The following ZFP1 variants were observed in gnomAD, a reference collection of about 807,000 sequenced individuals.
ZFP1 encodes the protein zinc finger protein 1 homolog.
ZFP1 carries 32 observed loss-of-function variants against 38.5 expected under a neutral mutation model. The observed-to-expected ratio is 0.83, with a 90% CI of 0.63 to 1.12. ZFP1 has a LOEUF of 1.12. ZFP1 is among the 50% of genes most tolerant of loss of function. The pLI, the probability that ZFP1 is intolerant of heterozygous loss-of-function variation, is 0.00. For synonymous variants in ZFP1, 245 were observed against 168.8 expected, an observed-to-expected ratio of 1.45 and a Z score of -3.50; for missense variants, 616 against 480.8, an observed-to-expected ratio of 1.28 and a Z score of -2.63.
At position 75,166,829 on chromosome 16, in the gene ZFP1, G is replaced by A. The variant is rs765808592; in HGVS notation, c.75G>A (p.Leu25=). Residue 25 remains leucine, a synonymous_variant, in exon 3 of 4, where the codon CTG becomes CTA. Coordinates refer to ENST00000570010, the MANE Select transcript of ZFP1 (RefSeq NM_153688.4). ...VDFTQEEWEQ[L]DPSQRILYMD... is the part of the protein sequence containing the mutation. ...TTACCCAGGAGGAATGGGAACAACT[G>A]GACCCCTCTCAGAGGATCCTATACA... The A allele has an allele frequency of 6.2e-7, 1 of 1,614,150 alleles. No individual in the cohort carries two copies. The highest frequency in any genetic ancestry group is 8.5e-7 in the Non-Finnish European group (1 of 1,180,024).
the ZFP1 span, among the ~76,000 whole-genome samples, chr16:75,132,290 G>C: frequency 6.6e-6 from 1 of 151,848 alleles, no homozygotes; most frequent in South Asian, 2.1e-4. Context: ...TTGGGAGGCT[G>C]AAGTGGGAGG....
rs569370327 is a variant in ZFP1 at position 75,163,152 on chromosome 16, C to T, written c.16-3618C>T. On this transcript the variant is annotated intron_variant, in intron 2 of 3. Transcript: ENST00000570010. ...TCGAACTCCTGACCTCGTGATCCAC[C>T]TGCCTCGGCCTCCCAAAGTGTTGGG... 2.0e-5 allele frequency among the ~76,000 whole-genome samples: 3 copies of T among 152,098 alleles called. No individual in the cohort carries two copies. The South Asian group carries it at 6.2e-4, about 32-fold the overall frequency.
At chr16:75,139,460 AC>A in the ZFP1 span, among the ~76,000 whole-genome samples, 5 of 151,222 alleles carry the variant, frequency 3.3e-5, no homozygotes, top group East Asian at 9.7e-4. Context: ...AGGAGGTTGA[AC>A]CAGGAGGATT....
In ZFP1 at chr16:75,149,066, A is replaced by T. The variant is rs964754165; in HGVS notation, c.-44+423A>T. The T allele has an allele frequency of 2.0e-5, 3 of 151,956 alleles. No homozygotes were observed. In the East Asian group the frequency reaches 5.8e-4, roughly 30 times the overall value. 9.4% of individuals were successfully genotyped at this position (151,956 alleles called of 1,614,324 possible). A position where few individuals can be genotyped will look rare whatever the true frequency, so the allele number is the denominator to read the frequency against. The stretch of plus-strand genomic sequence containing the variant: ...TGCCCGGTGCCTCGTGGGTGGAGGA[A>T]GGACTGGAGCCTGGTCAGTTGCCGG... On this transcript the variant is annotated intron_variant, in intron 1 of 3. Transcript: ENST00000570010.
At chr16:75,154,905 C>G (rs921938105) in intron 2 of ZFP1, among the ~76,000 whole-genome samples, 1 of 152,084 alleles carries the variant, frequency 6.6e-6, no homozygotes, top group Non-Finnish European at 1.5e-5. Flanking sequence ...TCAAGTGATT[C>G]TCCTGCCTCA....
intron 3 of ZFP1, among the ~76,000 whole-genome samples, chr16:75,168,687 C>T (rs891662851): frequency 1.3e-5 from 2 of 152,184 alleles, no homozygotes; most frequent in Non-Finnish European, 2.9e-5. Context: ...CTGGTTGTCA[C>T]TGCAAACCTA....
chr16:75,132,250 A>G, the ZFP1 span, among the ~76,000 whole-genome samples: 1 of 151,500 alleles, frequency 6.6e-6, no homozygotes, highest in Admixed American at 6.6e-5. Context: ...TTAGCCAGGC[A>G]TGGCGGCATA....
chr16:75,166,700 A>G (rs575701335), intron 2 of ZFP1, 70 bp from the exon 3 acceptor site: 19 of 1,553,190 alleles, frequency 1.2e-5, no homozygotes, highest in Admixed American at 7.3e-5. Flanking sequence ...TGAATGACAT[A>G]AAGTTTTCAT....
chr16:75,121,714 A>C, the ZFP1 span, among the ~76,000 whole-genome samples: 7 of 152,202 alleles, frequency 4.6e-5, no homozygotes, highest in African/African-American at 1.7e-4. Flanking sequence ...AAATGCTTAA[A>C]AGAGCTCTAA....
At chr16:75,140,269 A>G in the ZFP1 span, among the ~76,000 whole-genome samples, 2 of 42,236 alleles carry the variant, frequency 4.7e-5, no homozygotes, top group East Asian at 5.5e-4. Flanking sequence ...ACTCCATCTC[A>G]AAAAAAAAAA....
the ZFP1 span, among the ~76,000 whole-genome samples, chr16:75,132,825 A>ATT: frequency 1.5e-5 from 2 of 134,810 alleles, no homozygotes; most frequent in South Asian, 2.4e-4. Flanking sequence ...CATGGCTAGT[A>ATT]TTTTTTTTTT....
At chr16:75,167,327 G>T (rs1417486958) in intron 3 of ZFP1, among the ~76,000 whole-genome samples, 1 of 151,938 alleles carries the variant, frequency 6.6e-6, no homozygotes, top group Non-Finnish European at 1.5e-5. Flanking sequence ...CTTAAGTATA[G>T]CTGAGGACAG....
chr16:75,141,195 CTTTTTTTTTTTTT>C, the ZFP1 span, among the ~76,000 whole-genome samples: 3 of 67,948 alleles, frequency 4.4e-5, no homozygotes, highest in East Asian at 1.1e-3. Context: ...TTGGGTCATT[CTTTTTTTTTTTTT>C]TTTTTTTTTT....
chr16:75,157,495 C>T (rs1298957146), intron 2 of ZFP1, among the ~76,000 whole-genome samples: 1 of 152,046 alleles, frequency 6.6e-6, no homozygotes, highest in Non-Finnish European at 1.5e-5. Flanking sequence ...ACGCCCTCCT[C>T]AGCCTCCCAA....
chr16:75,145,084 C>T (rs1304650886), upstream of ZFP1, among the ~76,000 whole-genome samples: 4 of 152,204 alleles, frequency 2.6e-5, no homozygotes, highest in Admixed American at 6.5e-5. Context: ...AATAATATTC[C>T]ACTGTATCCA....
At chr16:75,131,348 A>G in the ZFP1 span, among the ~76,000 whole-genome samples, 2 of 152,106 alleles carry the variant, frequency 1.3e-5, no homozygotes, top group Non-Finnish European at 2.9e-5. Context: ...GTGAAAGAAA[A>G]GACTTCACAA....
At chr16:75,165,555 C>G (rs772204209) in intron 2 of ZFP1, among the ~76,000 whole-genome samples, 1 of 151,942 alleles carries the variant, frequency 6.6e-6, no homozygotes, top group Non-Finnish European at 1.5e-5. Context: ...CTACCACACC[C>G]GGATAATTTT....
chr16:75,159,135 A>G (rs1043613467), intron 2 of ZFP1, among the ~76,000 whole-genome samples: 2 of 149,302 alleles, frequency 1.3e-5, no homozygotes, highest in African/African-American at 4.9e-5. Context: ...GGGCTCAAGC[A>G]ATCCACCCAC....
At chr16:75,166,614 A>G (rs921610075) in intron 2 of ZFP1, 156 bp from the exon 3 acceptor site, 1 of 985,096 alleles carries the variant, frequency 1.0e-6, no homozygotes, top group Non-Finnish European at 1.2e-6. Context: ...AACTATTTAT[A>G]AAAATATATT....
Sources: gnomAD v4.1 joint callset for allele counts (sites outside exome capture counted in the v4.1 genomes callset) on GRCh38, gnomAD v4.1.1 for gene constraint, MANE v1.5 for transcripts, NCBI Gene and HGNC (gene_info 2026-07-23, HGNC 2026-07-21) for gene names.